Variants in AKAP13 observed in about 807,000 individuals in gnomAD.
The protein encoded by AKAP13 is A-kinase anchor protein 13.
A neutral mutation model predicts 264.5 loss-of-function variants in AKAP13; 80 were observed. The observed-to-expected ratio is 0.30, with a 90% CI of 0.25 to 0.36. AKAP13 has a LOEUF of 0.36. AKAP13 is among the 10% of genes least tolerant of loss of function. The pLI, the probability that AKAP13 is intolerant of heterozygous loss-of-function variation, is 1.00. For missense variants in AKAP13, 3,712 were observed against 3,435.2 expected (o/e 1.08, Z -2.01); for synonymous variants, 1,380 against 1,250.2 (o/e 1.10, Z -2.19).
At chr15:85,533,972 C>A in intron 4 of AKAP13, 92 bp downstream of exon 4, 1 of 1,338,506 alleles carries the variant, frequency 7.5e-7, no homozygotes, top group Non-Finnish European at 1.0e-6. Context: ...TCATCATATT[C>A]AGGTCTTCCA....
intron 17 of AKAP13, among the ~76,000 whole-genome samples, chr15:85,703,269 C>T (rs2086034340): frequency 6.6e-6 from 1 of 152,128 alleles, no homozygotes; most frequent in Non-Finnish European, 1.5e-5. Context: ...AAGTTTATTA[C>T]TTAGGGAAAA....
At chr15:85,420,884 G>A (rs1354664259) in intron 1 of AKAP13, among the ~76,000 whole-genome samples, 2 of 152,070 alleles carry the variant, frequency 1.3e-5, no homozygotes, top group Admixed American at 6.5e-5. Flanking sequence ...AGGAGTTTGA[G>A]GCCAGACTGG....
intron 5 of AKAP13, among the ~76,000 whole-genome samples, chr15:85,565,933 T>C (rs1355534945): frequency 6.6e-6 from 1 of 152,238 alleles, no homozygotes; most frequent in East Asian, 1.9e-4. Context: ...CTCAGGTTCC[T>C]TGCAGCTCTG....
intron 36 of AKAP13, chr15:85,744,381 A>C (rs533232574): frequency 7.9e-5 from 39 of 491,916 alleles, no homozygotes; most frequent in Non-Finnish European, 1.3e-4. Flanking sequence ...GAAAAAGTAC[A>C]TTTTCCTGGC....
chr15:85,387,292 C>T (rs536800566), intron 1 of AKAP13, among the ~76,000 whole-genome samples: 119 of 152,082 alleles, frequency 7.8e-4, no homozygotes, highest in African/African-American at 2.7e-3. Context: ...GCCGACATTG[C>T]GCCACTTTAC....
At chr15:85,672,555 A>G (rs1011405674) in intron 14 of AKAP13, among the ~76,000 whole-genome samples, 1 of 152,226 alleles carries the variant, frequency 6.6e-6, no homozygotes, top group Non-Finnish European at 1.5e-5. Flanking sequence ...ATCTATGGTC[A>G]TAGTCTCCCT....
chr15:85,611,714 A>C (rs181161338), intron 8 of AKAP13, among the ~76,000 whole-genome samples: 1 of 152,138 alleles, frequency 6.6e-6, no homozygotes, highest in Non-Finnish European at 1.5e-5. Flanking sequence ...TGCTTTTCCT[A>C]TTGTAGCGAC....
In AKAP13 at chr15:85,664,660, C is replaced by A. The variant is rs1317773807; in HGVS notation, c.4897C>A (p.Pro1633Thr). The change falls in exon 13 of 37, where the codon CCA (proline) becomes ACA (threonine). Residue 1633 changes from proline (P) to threonine (T), a missense_variant. Coordinates refer to ENST00000394518, the MANE Select transcript of AKAP13 (RefSeq NM_007200.5). ...SSANAEELRH[P>T]FSGEERVDSL... ...TGCAAATGCCGAAGAGCTCAGACAC[C>A]CATTCAGTGGTGAGGAACGGGTTGA... 6.2e-7 allele frequency: 1 copy of A among 1,614,074 alleles called. No homozygotes were observed. The highest frequency in any genetic ancestry group is 1.7e-5 in the Admixed American group (1 of 60,020).
chr15:85,730,830 A>G, intron 30 of AKAP13, 123 bp downstream of exon 30: 1 of 809,728 alleles, frequency 1.2e-6, no homozygotes, highest in South Asian at 1.9e-5. Context: ...CCCAAAACAA[A>G]TATTTCACTA....
intron 1 of AKAP13, among the ~76,000 whole-genome samples, chr15:85,453,717 C>G (rs2150983763): frequency 6.6e-6 from 1 of 151,990 alleles, no homozygotes; most frequent in East Asian, 1.9e-4. Context: ...AAGGCTGGAA[C>G]AGCTGAGTCA....
chr15:85,640,841 T>C (rs1455724982), intron 9 of AKAP13, among the ~76,000 whole-genome samples: 1 of 152,200 alleles, frequency 6.6e-6, no homozygotes, highest in African/African-American at 2.4e-5. Context: ...CCACACATCA[T>C]AGTTTAATTT....
At chr15:85,397,161 G>C (rs921876018) in intron 1 of AKAP13, among the ~76,000 whole-genome samples, 1 of 151,078 alleles carries the variant, frequency 6.6e-6, no homozygotes, top group African/African-American at 2.4e-5. Context: ...AATTTATTTG[G>C]CAATGTATTT....
chr15:85,589,896 A>G (rs1200505306), intron 8 of AKAP13, among the ~76,000 whole-genome samples: 1 of 152,184 alleles, frequency 6.6e-6, no homozygotes, highest in African/African-American at 2.4e-5. Context: ...TTTTTAAACT[A>G]CAGGTTGGGA....
intron 2 of AKAP13, among the ~76,000 whole-genome samples, chr15:85,495,698 C>T (rs1395662873): frequency 6.6e-6 from 1 of 152,068 alleles, no homozygotes; most frequent in Non-Finnish European, 1.5e-5. Flanking sequence ...GGATAAAACC[C>T]ACACTTATTA....
intron 2 of AKAP13, among the ~76,000 whole-genome samples, chr15:85,510,186 C>G (rs1230034430): frequency 6.6e-6 from 1 of 152,188 alleles, no homozygotes; most frequent in Non-Finnish European, 1.5e-5. Flanking sequence ...GATGCAGTCT[C>G]TGGCCCAGCT....
At chr15:85,575,640 C>T (rs1050294696) in intron 6 of AKAP13, among the ~76,000 whole-genome samples, 7 of 151,452 alleles carry the variant, frequency 4.6e-5, no homozygotes, top group Admixed American at 2.6e-4. Flanking sequence ...TGCAGTGAGC[C>T]GAGATCACGC....
rs1415159370 is a variant in AKAP13 at position 85,718,168 on chromosome 15, C to G, written c.6001+9C>G. ...GCAAGAAGTAATATATGGTGAGAGT[C>G]TTCATTTTGCTCTGATTATATTTGA... On this transcript the variant is annotated intron_variant, in intron 22 of 36. Transcript: ENST00000394518. This position sits in a 1 kb window ranked among gnomAD's most constrained non-coding sequence, Gnocchi z 4.9. 6.2e-7 allele frequency: 1 copy of G among 1,613,248 alleles called. No homozygotes were observed. The highest frequency in any genetic ancestry group is 1.1e-5 in the South Asian group (1 of 90,970).
Position 85,744,839 on chromosome 15 carries a change from T to C in AKAP13, c.*162T>C, listed in dbSNP as rs763584285. ...CCTGGACAATAAGCAACAGATGATA[T>C]TGAGTGTCGGGTGGGGAAGGAGGCC... On this transcript the variant is annotated 3_prime_UTR_variant, in exon 37 of 37. Transcript: ENST00000394518. 3.4e-5 allele frequency: 20 copies of C among 587,298 alleles called. No individual in the cohort carries two copies. The highest frequency in any genetic ancestry group is 1.4e-4 in the Admixed American group (4 of 28,698). 36.4% of individuals were successfully genotyped at this position (587,298 alleles called of 1,614,324 possible).
chr15:85,662,360 C>T (rs1172764299), intron 12 of AKAP13: 1 of 1,612,828 alleles, frequency 6.2e-7, no homozygotes, highest in Admixed American at 1.7e-5. Flanking sequence ...CCCTGCATTT[C>T]TGTTTCTGTC....
Sources: gnomAD v4.1 joint callset for allele counts (sites outside exome capture counted in the v4.1 genomes callset) on GRCh38, gnomAD v4.1.1 for gene constraint, Gnocchi (gnomAD v3.1) non-coding constraint, MANE v1.5 for transcripts, NCBI Gene and HGNC (gene_info 2026-07-23, HGNC 2026-07-21) for gene names.